The following CELSR1 variants were observed in gnomAD, a reference collection of about 807,000 sequenced individuals.
CELSR1 encodes cadherin EGF LAG seven-pass G-type receptor 1, also known as adhesion G protein-coupled receptor C1.
In CELSR1, 110 loss-of-function variants were observed where a neutral mutation model predicts 249.1. That is an observed-to-expected ratio of 0.44 (90% CI 0.38 to 0.52). CELSR1 has a LOEUF of 0.52. Among genes scored for constraint, CELSR1 ranks in the 20% least tolerant of loss-of-function variants. The probability of loss-of-function intolerance (pLI) is 0.00; values close to 1 mark genes in which losing one functional copy is unlikely to be tolerated. For missense variants in CELSR1, 4,109 were observed against 4,296.4 expected, an observed-to-expected ratio of 0.96 and a Z score of 1.22; for synonymous variants, 2,113 against 1,900.0, an observed-to-expected ratio of 1.11 and a Z score of -2.92.
At chr22:46,511,845 TA>T (rs1256736114) in intron 1 of CELSR1, among the ~76,000 whole-genome samples, 2 of 152,224 alleles carry the variant, frequency 1.3e-5, no homozygotes, top group Admixed American at 1.3e-4. Context: ...TGACGGGGGC[TA>T]CCAGCTCTGT....
intron 1 of CELSR1, among the ~76,000 whole-genome samples, chr22:46,504,945 A>G (rs1048494449): frequency 6.6e-5 from 10 of 152,230 alleles, no homozygotes; most frequent in Non-Finnish European, 1.5e-4. Flanking sequence ...ACATCAACAC[A>G]GTGGAAAATG....
At chr22:46,479,328 C>T (rs574920836) in intron 1 of CELSR1, among the ~76,000 whole-genome samples, 9 of 152,102 alleles carry the variant, frequency 5.9e-5, no homozygotes, top group Non-Finnish European at 1.3e-4. Flanking sequence ...CGTCAAGCCG[C>T]TCCTACCCCC....
chr22:46,509,326 G>C (rs4823834), intron 1 of CELSR1, among the ~76,000 whole-genome samples: 7 of 151,806 alleles, frequency 4.6e-5, no homozygotes, highest in Admixed American at 3.9e-4. Flanking sequence ...TGAGGAGATG[G>C]GGTGCAGAGG....
At chr22:46,530,809 G>T (rs542904537) in intron 1 of CELSR1, among the ~76,000 whole-genome samples, 1 of 152,158 alleles carries the variant, frequency 6.6e-6, no homozygotes, top group Non-Finnish European at 1.5e-5. Context: ...CCTCCGATGC[G>T]CTCCTCCCTC....
rs1477676377 is a variant in CELSR1 at position 46,488,435 on chromosome 22, T to C, written c.3545-24090A>G. Among the ~76,000 whole-genome samples, 2 of 152,124 alleles carry C rather than the reference T, an allele frequency of 1.3e-5. No homozygotes were observed. Among genetic ancestry groups the C allele is most frequent in the East Asian group, 1.9e-4 (1 of 5,192 alleles). ...AGCACAGGAGGCCACCGTAGTGCCA[T>C]AGAGCGTGCACCTAGGCGTGCGTGC... On this transcript the variant is annotated intron_variant, in intron 1 of 34. Transcript: ENST00000674500. The surrounding 1 kb of genome is among the most constrained non-coding windows in gnomAD (Gnocchi z 4.7).
intron 2 of CELSR1, among the ~76,000 whole-genome samples, chr22:46,459,102 ATGG>A (rs1201228649): frequency 1.3e-5 from 2 of 151,932 alleles, no homozygotes; most frequent in African/African-American, 2.4e-5. Context: ...GTTGGCCAGG[ATGG>A]TCTCAATCTC....
At position 46,391,627 on chromosome 22, in the gene CELSR1, G is replaced by A. The variant is rs780589535; in HGVS notation, c.6148+6C>T. 4.2e-5 allele frequency: 67 copies of A among 1,590,560 alleles called. No individual in the cohort carries two copies. In the Admixed American group the frequency reaches 5.8e-4, roughly 14 times the overall value. ...AACCTGCAGGGTGTCGAGGGGCAAC[G>A]CGGACCTTCACAGCCGAGCGTGGTG... On this transcript the variant is annotated splice_donor_region_variant and intron_variant, in intron 15 of 34. Transcript: ENST00000674500. This position sits in a 1 kb window ranked among gnomAD's most constrained non-coding sequence, Gnocchi z 4.3.
intron 1 of CELSR1, among the ~76,000 whole-genome samples, chr22:46,516,150 A>G (rs895107714): frequency 1.2e-4 from 19 of 152,206 alleles, no homozygotes; most frequent in African/African-American, 3.4e-4. Flanking sequence ...ATAAAGACAC[A>G]TGCACACGTA....
At chr22:46,491,087 C>A (rs530190802) in intron 1 of CELSR1, among the ~76,000 whole-genome samples, 124 of 152,146 alleles carry the variant, frequency 8.2e-4, no homozygotes, top group African/African-American at 2.9e-3. Flanking sequence ...ACCCCGGGCC[C>A]TTGGACATGG....
chr22:46,378,483 C>A (rs907317719), intron 23 of CELSR1, 108 bp downstream of exon 23: 6 of 1,265,280 alleles, frequency 4.7e-6, no homozygotes, highest in Non-Finnish European at 6.6e-6. Context: ...GGGGCAGGCT[C>A]AGCAGGTTTG....
chr22:46,392,569 T>A (rs1795578115), intron 14 of CELSR1, among the ~76,000 whole-genome samples: 2 of 152,210 alleles, frequency 1.3e-5, no homozygotes, highest in African/African-American at 4.8e-5. Context: ...GTTTTTTTAT[T>A]TTTTTGAGAT....
rs2079637556 is a variant in CELSR1, at chr22:46,434,688, A to G, written c.4523-1207T>C. On this transcript the variant is annotated intron_variant, in intron 4 of 34. Transcript: ENST00000674500. The surrounding 1 kb of genome is among the most constrained non-coding windows in gnomAD (Gnocchi z 4.9). ...TCCAGGTGAAGGAGGAGATGGCAGA[A>G]TTCACTCCTGAAAGTCAAGTGTGCC... 6.6e-6 allele frequency among the ~76,000 whole-genome samples: 1 copy of G among 152,188 alleles called. No individual in the cohort carries two copies. The highest frequency in any genetic ancestry group is 6.5e-5 in the Admixed American group (1 of 15,278).
At chr22:46,383,088 T>C (rs1008143681) in intron 20 of CELSR1, among the ~76,000 whole-genome samples, 3 of 152,138 alleles carry the variant, frequency 2.0e-5, no homozygotes, top group African/African-American at 7.2e-5. Context: ...CCCCCAGGAA[T>C]GGCTTGGTGC....
In CELSR1 at chr22:46,372,983, G is replaced by A; in HGVS notation, c.7659C>T (p.Ser2553=). The A allele has an allele frequency of 6.2e-7, 1 of 1,613,340 alleles. No individual in the cohort carries two copies. Among genetic ancestry groups the A allele is most frequent in the East Asian group, 2.2e-5 (1 of 44,870 alleles). The change falls in exon 25 of 35, where the codon AGC becomes AGT. Residue 2553 remains serine (S), a synonymous_variant. Transcript: ENST00000674500. ...MSTFAWTLVE[S]LHVYRMLTEV... ...CGGTCAGCATGCGGTAGACATGCAG[G>A]CTCTCCACGAGGGTCCAGGCAAAGG...
At chr22:46,438,654 G>A (rs189766995) in intron 3 of CELSR1, among the ~76,000 whole-genome samples, 120 of 152,348 alleles carry the variant, frequency 7.9e-4, no homozygotes, top group African/African-American at 2.8e-3. Context: ...AAACGTTATT[G>A]GAGGTGGAGA....
rs934108685 is a variant in CELSR1, at chr22:46,436,661, G to A, written c.4407-372C>T. Among the ~76,000 whole-genome samples, 1 of 152,128 alleles carries A rather than the reference G, an allele frequency of 6.6e-6. No homozygotes were observed. The highest frequency in any genetic ancestry group is 1.5e-5 in the Non-Finnish European group (1 of 68,024). On this transcript the variant is annotated intron_variant, in intron 3 of 34. Coordinates refer to ENST00000674500, the MANE Select transcript of CELSR1 (RefSeq NM_001378328.1). This position sits in a 1 kb window ranked among gnomAD's most constrained non-coding sequence, Gnocchi z 5.9. ...TGTGAACAGATCCCCCCGTGTGTGC[G>A]CCAGGGCATGGGGACCTGGTACCTT...
At position 46,382,041 on chromosome 22, in the gene CELSR1, AG is replaced by A; in HGVS notation, c.6892del (p.Leu2298CysfsTer2). The part of the protein sequence containing the change: ...FRPPEEKEGP[L>X]LRPAGRRTTP... ...GGTCCTCCGGCCAGCCGGCCTCAGC[AG>A]GGGGCCTTCTGCAATGTGAGCAGAA... On this transcript the variant is annotated frameshift_variant, in exon 21 of 35. Coordinates refer to ENST00000674500, the MANE Select transcript of CELSR1 (RefSeq NM_001378328.1). LOFTEE classifies it high-confidence loss of function. 1 of 1,538,558 alleles carries A rather than the reference AG, an allele frequency of 6.5e-7. No homozygotes were observed. Among genetic ancestry groups the A allele is most frequent in the Non-Finnish European group, 8.8e-7 (1 of 1,141,384 alleles).
At chr22:46,458,288 T>C (rs2079980379) in intron 2 of CELSR1, among the ~76,000 whole-genome samples, 1 of 152,186 alleles carries the variant, frequency 6.6e-6, no homozygotes, top group African/African-American at 2.4e-5. Flanking sequence ...CTGCACTTTA[T>C]ACTGGAGCAC....
chr22:46,414,783 C>G (rs1427027083), intron 5 of CELSR1, among the ~76,000 whole-genome samples: 1 of 152,186 alleles, frequency 6.6e-6, no homozygotes, highest in African/African-American at 2.4e-5. Flanking sequence ...CAGCCCCAGG[C>G]GTGTACCCAA....
Sources: allele counts gnomAD v4.1 joint callset (sites outside exome capture counted in the v4.1 genomes callset), GRCh38; gene constraint gnomAD v4.1.1; non-coding constraint Gnocchi (gnomAD v3.1); transcripts MANE v1.5; gene names NCBI Gene and HGNC (gene_info 2026-07-23, HGNC 2026-07-21).